RASGRF2: variants seen among roughly 807,000 people sequenced by gnomAD.
The protein encoded by RASGRF2 is ras-specific guanine nucleotide-releasing factor 2.
Under a neutral mutation model 151.0 loss-of-function variants are expected in RASGRF2, and 76 were observed. That is an observed-to-expected ratio of 0.50 (90% CI 0.42 to 0.61). The LOEUF (loss-of-function observed/expected upper bound fraction) is 0.61, where lower values mean the gene tolerates loss of function less well. Ranked by LOEUF, RASGRF2 falls within the 20% of genes least tolerant of loss-of-function variation. The pLI is 0.00. For synonymous variants in RASGRF2, 504 were observed against 566.5 expected, an observed-to-expected ratio of 0.89 and a Z score of 1.57; for missense variants, 1,148 against 1,564.6, an observed-to-expected ratio of 0.73 and a Z score of 4.49.
At chr5:81,211,236 T>G (rs746552811) in intron 22 of RASGRF2, among the ~76,000 whole-genome samples, 12 of 152,004 alleles carry the variant, frequency 7.9e-5, no homozygotes, top group Non-Finnish European at 1.3e-4. Context: ...TGCCTGTGTA[T>G]TCCCAAACCC....
At chr5:81,146,445 T>C (rs1754007933) in intron 17 of RASGRF2, among the ~76,000 whole-genome samples, 2 of 140,966 alleles carry the variant, frequency 1.4e-5, no homozygotes, top group South Asian at 4.4e-4. Context: ...CTTACAGACA[T>C]GCTGGTCTCT....
chr5:81,080,006 G>A (rs1752041457), intron 5 of RASGRF2, 115 bp from the exon 6 acceptor site: 38 of 1,316,618 alleles, frequency 2.9e-5, no homozygotes, highest in Non-Finnish European at 3.5e-5. Context: ...GTATAGTTTG[G>A]AGGCCCTATG....
chr5:81,202,589 C>G (rs531733272), intron 19 of RASGRF2, among the ~76,000 whole-genome samples: 1 of 152,144 alleles, frequency 6.6e-6, no homozygotes, highest in African/African-American at 2.4e-5. Flanking sequence ...CTCCCTACCC[C>G]CTAAAAGATA....
chr5:81,087,141 C>G, intron 9 of RASGRF2, 188 bp downstream of exon 9: 1 of 706,554 alleles, frequency 1.4e-6, no homozygotes, highest in South Asian at 1.5e-5. Flanking sequence ...CCATGAAAAA[C>G]AGCAACACAA....
chr5:81,117,316 G>C (rs184337134), intron 15 of RASGRF2, among the ~76,000 whole-genome samples: 1 of 152,330 alleles, frequency 6.6e-6, no homozygotes, highest in Non-Finnish European at 1.5e-5. Flanking sequence ...TGGAGGTTGG[G>C]AAGTTCAAGA....
At chr5:81,058,000 ATAATTAATTAAT>A (rs533833649) in intron 2 of RASGRF2, among the ~76,000 whole-genome samples, 4 of 151,966 alleles carry the variant, frequency 2.6e-5, no homozygotes, top group African/African-American at 4.8e-5. Flanking sequence ...TGCCTCAAAA[ATAATTAATTAAT>A]TAATTAATTA....
At chr5:81,146,807 A>G (rs936410966) in intron 17 of RASGRF2, among the ~76,000 whole-genome samples, 2 of 152,304 alleles carry the variant, frequency 1.3e-5, no homozygotes, top group Middle Eastern at 3.4e-3. Flanking sequence ...GGTTGGTATC[A>G]TTTCAGAAGC....
chr5:81,016,076 G>A (rs970973092), intron 1 of RASGRF2, among the ~76,000 whole-genome samples: 6 of 152,294 alleles, frequency 3.9e-5, no homozygotes, highest in African/African-American at 1.2e-4. Flanking sequence ...TGAAGCTGAC[G>A]AGAGTTGGCT....
intron 19 of RASGRF2, chr5:81,204,231 T>A (rs1755457824): frequency 6.6e-6 from 1 of 152,228 alleles, no homozygotes; most frequent in African/African-American, 2.4e-5. Context: ...AAGCAAATCT[T>A]TTCTCTATTG....
intron 17 of RASGRF2, among the ~76,000 whole-genome samples, chr5:81,155,739 A>T (rs1164936989): frequency 1.3e-5 from 2 of 152,164 alleles, no homozygotes; most frequent in South Asian, 2.1e-4. Context: ...TTATTAGGAG[A>T]TCTTACAAAC....
chr5:81,208,292 G>A (rs1755554233), intron 21 of RASGRF2, 62 bp from the exon 22 acceptor site: 9 of 1,414,072 alleles, frequency 6.4e-6, no homozygotes, highest in Non-Finnish European at 7.9e-6. Flanking sequence ...CAACTGTCCA[G>A]GATCATAGCC....
At chr5:81,118,759 G>A (rs1187784418) in intron 15 of RASGRF2, among the ~76,000 whole-genome samples, 10 of 152,090 alleles carry the variant, frequency 6.6e-5, no homozygotes, top group Non-Finnish European at 1.5e-4. Flanking sequence ...ATATTTAAAA[G>A]TAGCCATGCA....
intron 17 of RASGRF2, among the ~76,000 whole-genome samples, chr5:81,134,694 A>C (rs912833040): frequency 3.3e-5 from 5 of 152,318 alleles, no homozygotes; most frequent in African/African-American, 9.6e-5. Context: ...ATCTGACTCC[A>C]TATTACTTGT....
intron 1 of RASGRF2, among the ~76,000 whole-genome samples, chr5:81,017,710 G>A (rs569837406): frequency 1.3e-5 from 2 of 152,292 alleles, no homozygotes; most frequent in Admixed American, 1.3e-4. Context: ...AGTTAAACCT[G>A]CCCATGGGAT....
At chr5:81,053,460 C>T (rs369357386) in intron 2 of RASGRF2, among the ~76,000 whole-genome samples, 1 of 151,656 alleles carries the variant, frequency 6.6e-6, no homozygotes, top group Admixed American at 6.6e-5. Context: ...TGAACTCATC[C>T]TTTTTTATGG....
At chr5:81,059,107 G>T (rs1194547214) in intron 2 of RASGRF2, among the ~76,000 whole-genome samples, 1 of 152,118 alleles carries the variant, frequency 6.6e-6, no homozygotes, top group African/African-American at 2.4e-5. Context: ...ATCTTGGCTG[G>T]GCGCAGTGGC....
chr5:81,034,508 A>T (rs1463774277), intron 1 of RASGRF2, among the ~76,000 whole-genome samples: 1 of 152,110 alleles, frequency 6.6e-6, no homozygotes, highest in East Asian at 1.9e-4. Flanking sequence ...ACGTATGTTT[A>T]TTGCGGAACT....
intron 18 of RASGRF2, among the ~76,000 whole-genome samples, chr5:81,188,561 G>A (rs1228504647): frequency 6.6e-6 from 1 of 152,138 alleles, no homozygotes; most frequent in Non-Finnish European, 1.5e-5. Flanking sequence ...ATGAAGGTAG[G>A]TAGCTTCCTC....
chr5:81,050,310 G>A lies in RASGRF2; in HGVS notation c.395+7327G>A, dbSNP rs148965705. 1.5e-3 allele frequency among the ~76,000 whole-genome samples: 233 copies of A among 152,228 alleles called. 1 individual carries two copies. Among genetic ancestry groups the A allele is most frequent in the African/African-American group, 5.4e-3 (223 of 41,538 alleles). On this transcript the variant is annotated intron_variant, in intron 2 of 26. Coordinates refer to ENST00000265080, the MANE Select transcript of RASGRF2 (RefSeq NM_006909.3). Reference sequence around the variant, plus strand: ...ACATCTGATCTGCTGAAGGAATTCCGGGGTTCCCAGTTGCTTTTAGTTATT... The same window carrying A: ...ACATCTGATCTGCTGAAGGAATTCCAGGGTTCCCAGTTGCTTTTAGTTATT...
Sources: allele counts gnomAD v4.1 joint callset (sites outside exome capture counted in the v4.1 genomes callset), GRCh38; gene constraint gnomAD v4.1.1; transcripts MANE v1.5; gene names NCBI Gene and HGNC (gene_info 2026-07-23, HGNC 2026-07-21).